The following SUGP2 variants were observed in gnomAD, a reference collection of about 807,000 sequenced individuals.
SUGP2 encodes the protein SURP and G-patch domain-containing protein 2.
A neutral mutation model predicts 90.5 loss-of-function variants in SUGP2; 24 were observed. The observed-to-expected ratio is 0.27, with a 90% confidence interval of 0.19 to 0.37. The LOEUF (loss-of-function observed/expected upper bound fraction) is 0.37, where lower values mean the gene tolerates loss of function less well. Among genes scored for constraint, SUGP2 ranks in the 10% least tolerant of loss-of-function variants. The pLI is 1.00. For missense variants in SUGP2, 1,233 were observed against 1,363.3 expected, an observed-to-expected ratio of 0.90 and a Z score of 1.51; for synonymous variants, 473 against 513.4, an observed-to-expected ratio of 0.92 and a Z score of 1.06.
chr19:19,018,994 G>T (rs2058607503), intron 4 of SUGP2, 115 bp downstream of exon 4: 2 of 1,229,642 alleles, frequency 1.6e-6, no homozygotes, highest in Non-Finnish European at 2.3e-6. Flanking sequence ...CTTCTCACTG[G>T]AGAACACCAC....
At chr19:19,016,339 C>T (rs1474056246) in intron 4 of SUGP2, among the ~76,000 whole-genome samples, 2 of 152,090 alleles carry the variant, frequency 1.3e-5, no homozygotes, top group African/African-American at 4.8e-5. Flanking sequence ...CCTGCCCTGC[C>T]CCCTATCCAA....
chr19:19,004,159 G>C lies in SUGP2; in HGVS notation c.2929+9C>G. The C allele has an allele frequency of 1.9e-6, 3 of 1,538,970 alleles. No individual in the cohort carries two copies. Among genetic ancestry groups the C allele is most frequent in the Non-Finnish European group, 1.8e-6 (2 of 1,140,632 alleles). ...CTAGAGGCAACTGTGCCGACAGGCG[G>C]GCACTCACCTTTTGGCTCCTGGATG... is the stretch of plus-strand genomic sequence containing the variant. On this transcript the variant is annotated intron_variant, in intron 7 of 10. Transcript: ENST00000452918.
At chr19:18,999,529 C>T (rs1279378444) in intron 8 of SUGP2, among the ~76,000 whole-genome samples, 1 of 152,182 alleles carries the variant, frequency 6.6e-6, no homozygotes, top group Non-Finnish European at 1.5e-5. Flanking sequence ...CTGGCCGTGC[C>T]CTTATCCAGG....
intron 4 of SUGP2, among the ~76,000 whole-genome samples, chr19:19,013,668 T>C (rs2058386507): frequency 6.6e-6 from 1 of 152,176 alleles, no homozygotes; most frequent in East Asian, 1.9e-4. Flanking sequence ...GATTTTATGT[T>C]AACTTTGGGG....
chr19:19,015,370 G>C (rs1056835422), intron 4 of SUGP2, among the ~76,000 whole-genome samples: 1 of 152,156 alleles, frequency 6.6e-6, no homozygotes, highest in African/African-American at 2.4e-5. Flanking sequence ...TGACTGTTTT[G>C]TTAAATACAA....
chr19:19,000,709 A>AC (rs1308557957), intron 8 of SUGP2, among the ~76,000 whole-genome samples: 1 of 146,694 alleles, frequency 6.8e-6, no homozygotes, highest in Non-Finnish European at 1.5e-5. Flanking sequence ...GATAACTTGA[A>AC]CTTTTTTTTT....
In SUGP2 at chr19:19,009,923, G is replaced by A; in HGVS notation, c.2270C>T (p.Ser757Phe). ...GATGTCCACTCCTGCTGGCTTGGGG[G>A]ATGGGCCTGAGGCTTCTAAGCTGGG... ...QDPSLEASGP[S>F]PKPAGVDISE... Residue 757 changes from serine (S) to phenylalanine (F), a missense_variant, in exon 5 of 11, where the codon TCC becomes TTC. By Grantham distance (155) the Ser-to-Phe change is radical. Around this residue, in one of 8 missense-constraint regions of SUGP2, gnomAD observed 540 missense variants for 542.6 expected, o/e 1.00. Coordinates refer to ENST00000452918, the MANE Select transcript of SUGP2 (RefSeq NM_001017392.5). 6.2e-7 allele frequency: 1 copy of A among 1,614,204 alleles called. No homozygotes were observed. The highest frequency in any genetic ancestry group is 8.5e-7 in the Non-Finnish European group (1 of 1,180,024).
Position 19,012,915 on chromosome 19 carries a change from G to A in SUGP2, c.1851-2573C>T, listed in dbSNP as rs573314911. 2.6e-5 allele frequency among the ~76,000 whole-genome samples: 4 copies of A among 152,062 alleles called. No homozygotes were observed. In the East Asian group the frequency reaches 7.7e-4, roughly 29 times the overall value. On this transcript the variant is annotated intron_variant, in intron 4 of 10. Coordinates refer to ENST00000452918, the MANE Select transcript of SUGP2 (RefSeq NM_001017392.5). Reference sequence around the variant, plus strand: ...GTCTCGCTCTGTCACCCAGGCTGGAGTGCAGTGGCGCAATCTCGGATCACT... The same window carrying A: ...GTCTCGCTCTGTCACCCAGGCTGGAATGCAGTGGCGCAATCTCGGATCACT...
intron 3 of SUGP2, among the ~76,000 whole-genome samples, chr19:19,020,064 A>T (rs1327438125): frequency 1.3e-5 from 2 of 148,718 alleles, no homozygotes; most frequent in African/African-American, 4.9e-5. Flanking sequence ...AAAAAAAATA[A>T]ATAAATAAAT....
chr19:19,023,926 CTTCT>C (rs2058824871), intron 3 of SUGP2, among the ~76,000 whole-genome samples: 1 of 151,888 alleles, frequency 6.6e-6, no homozygotes, highest in South Asian at 2.1e-4. Context: ...AAAGTCAACC[CTTCT>C]TTTTTTCAAA....
At chr19:19,033,189 C>G (rs1326668632) in intron 1 of SUGP2, 1 of 230,608 alleles carries the variant, frequency 4.3e-6, no homozygotes, top group Non-Finnish European at 7.6e-6. Flanking sequence ...GAATGAACGA[C>G]TGAACCAATG....
At chr19:19,008,278 G>A (rs1379845955) in intron 6 of SUGP2, 39 bp downstream of exon 6, 5 of 1,504,308 alleles carry the variant, frequency 3.3e-6, no homozygotes, top group Non-Finnish European at 4.6e-6. Flanking sequence ...GTCTCTCTGA[G>A]AAAGAAAAAG....
chr19:19,006,982 C>T (rs1414487997), intron 6 of SUGP2, among the ~76,000 whole-genome samples: 1 of 152,230 alleles, frequency 6.6e-6, no homozygotes, highest in African/African-American at 2.4e-5. Flanking sequence ...GTAATTTTAA[C>T]TGGATGAAGG....
intron 3 of SUGP2, 128 bp downstream of exon 3, chr19:19,024,491 G>A (rs541772202): frequency 1.7e-5 from 18 of 1,074,738 alleles, no homozygotes; most frequent in South Asian, 1.1e-4. Context: ...GCCAATGTGC[G>A]TTTTCTACTA....
chr19:19,031,730 C>A (rs967163806), intron 1 of SUGP2, among the ~76,000 whole-genome samples: 2 of 151,770 alleles, frequency 1.3e-5, no homozygotes, highest in Non-Finnish European at 2.9e-5. Flanking sequence ...GCTCACAGAA[C>A]CTGCTCTATT....
At chr19:18,999,288 A>T (rs2057736983) in intron 8 of SUGP2, among the ~76,000 whole-genome samples, 1 of 152,152 alleles carries the variant, frequency 6.6e-6, no homozygotes, top group Non-Finnish European at 1.5e-5. Context: ...GGCAGACAGG[A>T]GGACAGGTGC....
intron 2 of SUGP2, among the ~76,000 whole-genome samples, chr19:19,028,690 C>T (rs540225042): frequency 7.2e-5 from 11 of 152,272 alleles, no homozygotes; most frequent in Admixed American, 2.6e-4. Context: ...CTCCCACCCA[C>T]GGCCCCCTAA....
rs1223769152 is a variant in SUGP2 at position 19,033,396 on chromosome 19, C to T, written c.-12+41G>A. On this transcript the variant is annotated intron_variant, in intron 1 of 10. Transcript: ENST00000452918. ...CAAGGCCGAGCCCGAGCTTCCCACCCCGGGAGCCACCCACCGACGACGCCA... is the reference window on the plus strand; with the variant it reads ...CAAGGCCGAGCCCGAGCTTCCCACCTCGGGAGCCACCCACCGACGACGCCA... 6 of 1,265,480 alleles carry T rather than the reference C, an allele frequency of 4.7e-6. No individual in the cohort carries two copies. In the South Asian group the frequency reaches 1.0e-4, roughly 21 times the overall value. The allele number at this position is 1,265,480 out of a possible 1,614,324, so 78.4% of individuals were successfully genotyped here.
chr19:19,020,186 T>G (rs1014893691), intron 3 of SUGP2, among the ~76,000 whole-genome samples: 1 of 151,828 alleles, frequency 6.6e-6, no homozygotes, highest in African/African-American at 2.4e-5. Flanking sequence ...TCCCAGCACT[T>G]TGGAAGGCCA....
Sources: gnomAD v4.1 joint callset for allele counts (sites outside exome capture counted in the v4.1 genomes callset) on GRCh38, gnomAD v4.1.1 for gene constraint, gnomAD v4.1.1 regional missense constraint, MANE v1.5 for transcripts, NCBI Gene and HGNC (gene_info 2026-07-23, HGNC 2026-07-21) for gene names.